The following ITFG2 variants were observed in gnomAD, a reference collection of about 807,000 sequenced individuals.
ITFG2 encodes integrin alpha FG-GAP repeat containing 2.
A neutral mutation model predicts 54.4 loss-of-function variants in ITFG2; 36 were observed. That is an observed-to-expected ratio of 0.66 (90% CI 0.51 to 0.87). The LOEUF (loss-of-function observed/expected upper bound fraction) is 0.87, where lower values mean the gene tolerates loss of function less well. Ranked by LOEUF, ITFG2 falls within the 40% of genes least tolerant of loss-of-function variation. The pLI, the probability that ITFG2 is intolerant of heterozygous loss-of-function variation, is 0.00. For missense variants in ITFG2, 524 were observed against 576.7 expected (o/e 0.91, Z 0.94); for synonymous variants, 211 against 225.4 (o/e 0.94, Z 0.57).
At chr12:2,849,598 G>GGGGAAGGGTGATGCCGCTGTCC in intron 2 of ITFG2, 1 of 1,497,562 alleles carries the variant, frequency 6.7e-7, no homozygotes, top group Non-Finnish European at 9.0e-7. Flanking sequence ...AGACGGGGAA[G>GGGGAAGGGTGATGCCGCTGTCC]GGGAAGGGTG....
At chr12:2,849,217 C>T in intron 2 of ITFG2, 2 of 1,530,666 alleles carry the variant, frequency 1.3e-6, no homozygotes, top group South Asian at 1.2e-5. Context: ...CGATCGTCCC[C>T]TCTGGAAGCC....
At chr12:2,834,744 G>T (rs550614194), upstream of ITFG2, 59 of 1,613,864 alleles carry the variant, frequency 3.7e-5, no homozygotes, top group Middle Eastern at 1.5e-3. Flanking sequence ...GGCGCTGCTG[G>T]CTCAGGTGGG....
chr12:2,840,008 T>C (rs1448820127), intron 1 of ITFG2, among the ~76,000 whole-genome samples: 3 of 150,652 alleles, frequency 2.0e-5, no homozygotes, highest in Admixed American at 1.3e-4. Context: ...GGTACTGTGG[T>C]CACTCTCTGA....
upstream of ITFG2, among the ~76,000 whole-genome samples, chr12:2,835,795 A>C: frequency 6.6e-6 from 1 of 152,240 alleles, no homozygotes; most frequent in African/African-American, 2.4e-5. Context: ...ATTGGTGTTT[A>C]TCAGGCCCAG....
At position 2,824,214 on chromosome 12, in the gene ITFG2, G is replaced by A. The variant is rs765016475; in HGVS notation, c.*21G>A. On this transcript the variant is annotated 3_prime_UTR_variant, in exon 12 of 12. Coordinates refer to ENST00000228799, the MANE Select transcript of ITFG2 (RefSeq NM_018463.4). ...CCTAGCTGTACTTGCCTCATAGCTGGTGAAGGATTCTTCTGAACCCCCACC... is the reference window on the plus strand; with the variant it reads ...CCTAGCTGTACTTGCCTCATAGCTGATGAAGGATTCTTCTGAACCCCCACC... 41 of 1,610,722 alleles carry A rather than the reference G, an allele frequency of 2.5e-5. No homozygotes were observed. The highest frequency in any genetic ancestry group is 3.5e-5 in the Non-Finnish European group (41 of 1,177,064).
At chr12:2,832,787 TC>T (rs2098010119), upstream of ITFG2, among the ~76,000 whole-genome samples, 1 of 149,170 alleles carries the variant, frequency 6.7e-6, no homozygotes, top group South Asian at 2.2e-4. Context: ...GACTGACTCT[TC>T]CCCCAGGCTC....
chr12:2,820,628 G>GGGCCCCCCCC, intron 5 of ITFG2, 96 bp from the exon 6 acceptor site: 11 of 251,778 alleles, frequency 4.4e-5, no homozygotes, highest in East Asian at 3.8e-4. Context: ...CCCTGCCCCT[G>GGGCCCCCCCC]CCCCCGCCCC....
At chr12:2,841,373 A>G (rs1461032767) in intron 2 of ITFG2, among the ~76,000 whole-genome samples, 1 of 151,600 alleles carries the variant, frequency 6.6e-6, no homozygotes, top group African/African-American at 2.4e-5. Flanking sequence ...ATTTCTAGCA[A>G]TGATGAAGGG....
exon 2 of ITFG2, chr12:2,840,845 AAAG>A (rs1399220340): frequency 1.3e-5 from 2 of 152,546 alleles, no homozygotes; most frequent in Admixed American, 6.5e-5. Context: ...TTTGTAGAAA[AAAG>A]AGAAAAAAGC....
chr12:2,824,008 G>T (rs1315322307), intron 11 of ITFG2, 65 bp downstream of exon 11: 2 of 1,612,932 alleles, frequency 1.2e-6, no homozygotes, highest in South Asian at 1.1e-5. Flanking sequence ...CAGGAGCTGG[G>T]CGTGGGTGAG....
rs2097938455 is a variant in ITFG2 at position 2,820,176 on chromosome 12, A to G, written c.497A>G (p.His166Arg). 5 of 1,613,774 alleles carry G rather than the reference A, an allele frequency of 3.1e-6. No individual in the cohort carries two copies. The highest frequency in any genetic ancestry group is 1.7e-4 in the Middle Eastern group (1 of 6,056). ...RWEELGEGPE[H>R]LTGQLVSLKK... ...GAGGAGCTAGGTGAGGGTCCTGAAC[A>G]TCTGACAGGGCAGCTGGTGTCCCTC... is the stretch of plus-strand genomic sequence containing the variant. The change falls in exon 5 of 12, where the codon CAT (histidine) becomes CGT (arginine). Residue 166 changes from histidine to arginine, a missense_variant. Coordinates refer to ENST00000228799, the MANE Select transcript of ITFG2 (RefSeq NM_018463.4).
chr12:2,849,171 G>A, intron 2 of ITFG2: 1 of 1,464,622 alleles, frequency 6.8e-7, no homozygotes, highest in African/African-American at 1.4e-5. Flanking sequence ...AAGGAGCATT[G>A]ATTGAGAACA....
intron 1 of ITFG2, among the ~76,000 whole-genome samples, chr12:2,839,872 G>A (rs11062375): frequency 0.07 from 10,692 of 152,234 alleles, 498 homozygotes; most frequent in Admixed American, 0.12. Context: ...CAAATATTGC[G>A]TGTTTTCACT....
At chr12:2,830,524 C>T in intron 2 of ITFG2, 1 of 564,482 alleles carries the variant, frequency 1.8e-6, no homozygotes, top group Non-Finnish European at 3.1e-6. Context: ...TGGAGTTGCA[C>T]CGAGGAGACA....
intron 3 of ITFG2, chr12:2,859,434 G>A (rs1343911355): frequency 6.2e-7 from 1 of 1,613,958 alleles, no homozygotes; most frequent in Non-Finnish European, 8.5e-7. Flanking sequence ...CCAGGAGTGA[G>A]ATGATTCCTC....
chr12:2,857,479 G>A, intron 2 of ITFG2: 1 of 220,702 alleles, frequency 4.5e-6, no homozygotes, highest in Non-Finnish European at 9.3e-6. Flanking sequence ...GGGAAAAGAG[G>A]TGAGCTGTGC....
chr12:2,839,409 G>A (rs779588813), intron 1 of ITFG2, among the ~76,000 whole-genome samples: 35 of 152,242 alleles, frequency 2.3e-4, no homozygotes, highest in Non-Finnish European at 4.0e-4. Flanking sequence ...TGAACCGTTA[G>A]GAGTAGAAGA....
chr12:2,843,302 C>T (rs1413385534), intron 2 of ITFG2, among the ~76,000 whole-genome samples: 1 of 152,214 alleles, frequency 6.6e-6, no homozygotes, highest in African/African-American at 2.4e-5. Context: ...GCAGGCAGCC[C>T]GTGCTGCCAG....
intron 2 of ITFG2, among the ~76,000 whole-genome samples, chr12:2,842,195 C>T (rs927805579): frequency 7.4e-6 from 1 of 134,544 alleles, no homozygotes; most frequent in East Asian, 2.2e-4. Context: ...GATCTCGGCT[C>T]ACTGCAACGT....
Sources: allele counts gnomAD v4.1 joint callset (sites outside exome capture counted in the v4.1 genomes callset), GRCh38; gene constraint gnomAD v4.1.1; transcripts MANE v1.5; gene names NCBI Gene and HGNC (gene_info 2026-07-23, HGNC 2026-07-21).